PTPRD: variants seen among roughly 807,000 people sequenced by gnomAD.
PTPRD encodes protein tyrosine phosphatase receptor type D.
A neutral mutation model predicts 214.5 loss-of-function variants in PTPRD; 34 were observed. The observed-to-expected ratio is 0.16, with a 90% CI of 0.12 to 0.21. The LOEUF (loss-of-function observed/expected upper bound fraction) is 0.21. Ranked by LOEUF, PTPRD falls within the 10% of genes least tolerant of loss-of-function variation. The pLI is 1.00. For missense variants in PTPRD, 2,545 were observed against 2,398.7 expected, an observed-to-expected ratio of 1.06 and a Z score of -1.27; for synonymous variants, 1,128 against 845.7, an observed-to-expected ratio of 1.33 and a Z score of -5.79.
At chr9:8,344,763 T>G (rs1855932210) in intron 39 of PTPRD, among the ~76,000 whole-genome samples, 1 of 152,120 alleles carries the variant, frequency 6.6e-6, no homozygotes, top group Admixed American at 6.6e-5. Context: ...TCAATGGCTG[T>G]GTGTCCTTGA....
intron 30 of PTPRD, among the ~76,000 whole-genome samples, chr9:8,477,328 CTG>C (rs2096785350): frequency 6.6e-6 from 1 of 152,038 alleles, no homozygotes; most frequent in Non-Finnish European, 1.5e-5. Context: ...ATAAAGTAAG[CTG>C]TGTTTTCCCA....
At chr9:9,632,531 G>T (rs551575511) in intron 7 of PTPRD, among the ~76,000 whole-genome samples, 1 of 151,862 alleles carries the variant, frequency 6.6e-6, no homozygotes, top group African/African-American at 2.4e-5. Flanking sequence ...CAACTATATT[G>T]TTCACTTGCA....
intron 8 of PTPRD, among the ~76,000 whole-genome samples, chr9:9,425,640 T>C (rs963444666): frequency 7.9e-5 from 12 of 151,450 alleles, no homozygotes; most frequent in Non-Finnish European, 1.3e-4. Flanking sequence ...GAGTAAACCA[T>C]GCCATGAACT....
At chr9:10,194,294 T>C (rs1300049407) in intron 3 of PTPRD, among the ~76,000 whole-genome samples, 1 of 146,654 alleles carries the variant, frequency 6.8e-6, no homozygotes, top group Non-Finnish European at 1.5e-5. Context: ...TAACTACCAT[T>C]TGCTGAGCAT....
chr9:9,967,933 T>G, intron 4 of PTPRD, among the ~76,000 whole-genome samples: 1 of 150,538 alleles, frequency 6.6e-6, no homozygotes, highest in African/African-American at 2.4e-5. Context: ...TACATAAACA[T>G]ATTAAGAAAA....
chr9:9,428,100 TA>T (rs1047642564), intron 8 of PTPRD, among the ~76,000 whole-genome samples: 1 of 152,012 alleles, frequency 6.6e-6, no homozygotes, highest in Non-Finnish European at 1.5e-5. Flanking sequence ...ATGTTACAAT[TA>T]AAAAACACAG....
At chr9:9,390,305 T>C (rs769595434) in intron 9 of PTPRD, among the ~76,000 whole-genome samples, 9 of 152,240 alleles carry the variant, frequency 5.9e-5, no homozygotes, top group South Asian at 2.1e-4. Context: ...TAAGGATCCA[T>C]TGGAGAGTTT....
chr9:9,855,866 C>T (rs117642348), intron 5 of PTPRD, among the ~76,000 whole-genome samples: 1 of 152,194 alleles, frequency 6.6e-6, no homozygotes, highest in Non-Finnish European at 1.5e-5. Context: ...GCTTTAAGCG[C>T]TAGCAGCTCA....
chr9:9,378,387 A>G (rs1315334210), intron 9 of PTPRD, among the ~76,000 whole-genome samples: 1 of 152,090 alleles, frequency 6.6e-6, no homozygotes, highest in Non-Finnish European at 1.5e-5. Context: ...TGAGTATTCC[A>G]TTGTCTGGAT....
intron 2 of PTPRD, among the ~76,000 whole-genome samples, chr9:10,343,521 T>C (rs1565421874): frequency 6.6e-6 from 1 of 152,154 alleles, no homozygotes; most frequent in African/African-American, 2.4e-5. Flanking sequence ...TCAAATGGTA[T>C]TTCTTGTTCT....
chr9:10,094,491 A>C (rs1445069934), intron 3 of PTPRD, among the ~76,000 whole-genome samples: 2 of 150,558 alleles, frequency 1.3e-5, no homozygotes, highest in South Asian at 2.1e-4. Flanking sequence ...CAACATTAAA[A>C]TCATTAGAAA....
At chr9:9,886,137 C>T (rs755471251) in intron 5 of PTPRD, among the ~76,000 whole-genome samples, 2 of 151,882 alleles carry the variant, frequency 1.3e-5, no homozygotes, top group Non-Finnish European at 2.9e-5. Context: ...GAATGATGCC[C>T]AAGGGATATA....
Position 10,255,796 on chromosome 9 carries a change from T to C in PTPRD, c.-545+85167A>G, listed in dbSNP as rs1312350731. On this transcript the variant is annotated intron_variant, in intron 3 of 45. Transcript: ENST00000381196. ...ATCCTTATTCTATACAGTTTAAGAA[T>C]TTTTTAGTCATTATTACTATTATTT... Among the ~76,000 whole-genome samples, 6 of 152,298 alleles carry C rather than the reference T, an allele frequency of 3.9e-5. No individual in the cohort carries two copies. The East Asian group carries it at 1.2e-3, about 29-fold the overall frequency.
At chr9:8,547,801 T>C (rs1041749472) in intron 14 of PTPRD, among the ~76,000 whole-genome samples, 1 of 152,248 alleles carries the variant, frequency 6.6e-6, no homozygotes, top group Admixed American at 6.5e-5. Context: ...TGGATATGTA[T>C]GTTTGTACAA....
chr9:10,201,573 C>G (rs1469627588), intron 3 of PTPRD, among the ~76,000 whole-genome samples: 1 of 151,586 alleles, frequency 6.6e-6, no homozygotes, highest in Non-Finnish European at 1.5e-5. Context: ...AATAAGTGTG[C>G]ATATATATGT....
At chr9:8,808,856 G>C (rs1050587005) in intron 11 of PTPRD, among the ~76,000 whole-genome samples, 2 of 152,048 alleles carry the variant, frequency 1.3e-5, no homozygotes, top group Admixed American at 1.3e-4. Context: ...CATTTTCAAA[G>C]AGCTCCCCAG....
At chr9:9,215,404 C>T (rs927048133) in intron 9 of PTPRD, among the ~76,000 whole-genome samples, 31 of 152,094 alleles carry the variant, frequency 2.0e-4, no homozygotes, top group African/African-American at 6.5e-4. Context: ...ATAAAAATAC[C>T]CTGCCTACCA....
intron 5 of PTPRD, among the ~76,000 whole-genome samples, chr9:9,913,752 T>C (rs2079887112): frequency 6.6e-6 from 1 of 152,168 alleles, no homozygotes; most frequent in Non-Finnish European, 1.5e-5. Context: ...ACACAAACCC[T>C]GAAACCAGTT....
In PTPRD at chr9:9,000,706, TAAAA is replaced by T. The variant is rs1443376780; in HGVS notation, c.-104+17987_-104+17990del. Among the ~76,000 whole-genome samples the T allele has an allele frequency of 5.3e-5, 8 of 152,042 alleles. No homozygotes were observed. The East Asian group carries it at 1.5e-3, about 29-fold the overall frequency. On this transcript the variant is annotated intron_variant, in intron 11 of 45. Transcript: ENST00000381196. ...ATGGCTATTATGCACATCTGACTGC[TAAAA>T]AACAGGCAGCTCTCATTCCACCAAA...
Sources: allele counts gnomAD v4.1 joint callset (sites outside exome capture counted in the v4.1 genomes callset), GRCh38; gene constraint gnomAD v4.1.1; transcripts MANE v1.5; gene names NCBI Gene and HGNC (gene_info 2026-07-23, HGNC 2026-07-21).